The following SHKBP1 variants were observed in gnomAD, a reference collection of about 807,000 sequenced individuals.
SHKBP1 encodes the protein SH3KBP1 binding protein 1, also known as SH3KBP1-binding protein 1.
Under a neutral mutation model 83.9 loss-of-function variants are expected in SHKBP1, and 71 were observed. The observed-to-expected ratio is 0.85, with a 90% CI of 0.70 to 1.03. The LOEUF is 1.03. Ranked by LOEUF, SHKBP1 falls within the 50% of genes least tolerant of loss-of-function variation. SHKBP1 has a pLI of 0.00. For missense variants in SHKBP1, 824 were observed against 982.4 expected, an observed-to-expected ratio of 0.84 and a Z score of 2.16; for synonymous variants, 371 against 398.0, an observed-to-expected ratio of 0.93 and a Z score of 0.81.
In SHKBP1 at chr19:40,580,674, G is replaced by A; in HGVS notation, c.653+18G>A. 6.2e-7 allele frequency: 1 copy of A among 1,614,132 alleles called. No homozygotes were observed. The highest frequency in any genetic ancestry group is 1.7e-5 in the Admixed American group (1 of 60,000). Reference sequence around the variant, plus strand: ...TGCTACAGGTGCTTGGGGAGGGAGTGGCAGGAGGTCCCAGCCCTGTTGATG... The same window carrying A: ...TGCTACAGGTGCTTGGGGAGGGAGTAGCAGGAGGTCCCAGCCCTGTTGATG... On this transcript the variant is annotated intron_variant, in intron 8 of 17. Transcript: ENST00000291842.
Position 40,590,594 on chromosome 19 carries a change from C to T in SHKBP1, c.1769-136C>T, listed in dbSNP as rs2081350506. On this transcript the variant is annotated intron_variant, in intron 16 of 17. Transcript: ENST00000291842. The surrounding 1 kb of genome is among the most constrained non-coding windows in gnomAD (Gnocchi z 4.6). ...TGCCCTTGTTTTTCAACCCCTGTCTCAGCCTCTGGCCCCCATGCATTGATC... is the reference window on the plus strand; with the variant it reads ...TGCCCTTGTTTTTCAACCCCTGTCTTAGCCTCTGGCCCCCATGCATTGATC... 7 of 1,319,916 alleles carry T rather than the reference C, an allele frequency of 5.3e-6. No individual in the cohort carries two copies. In the Admixed American group the frequency reaches 1.1e-4, roughly 21 times the overall value. The allele number at this position is 1,319,916 out of a possible 1,614,324, so 81.8% of individuals were successfully genotyped here.
intron 1 of SHKBP1, 82 bp downstream of exon 1, chr19:40,577,067 T>G (rs911064880): frequency 2.5e-5 from 31 of 1,239,264 alleles, no homozygotes; most frequent in Non-Finnish European, 3.1e-5. Flanking sequence ...GGGGAATCCC[T>G]GTCCATCAAG....
In SHKBP1 at chr19:40,582,481, C is replaced by T; in HGVS notation, c.960+15C>T. ...AGCACTGGCAGGTCAGAGTTCTGGCCAGCCTGGCTGCCCCCTTCCCAGTTT... is the reference window on the plus strand; with the variant it reads ...AGCACTGGCAGGTCAGAGTTCTGGCTAGCCTGGCTGCCCCCTTCCCAGTTT... On this transcript the variant is annotated intron_variant, in intron 10 of 17. Coordinates refer to ENST00000291842, the MANE Select transcript of SHKBP1 (RefSeq NM_138392.4). 6.2e-7 allele frequency: 1 copy of T among 1,609,886 alleles called. No homozygotes were observed. Among genetic ancestry groups the T allele is most frequent in the East Asian group, 2.2e-5 (1 of 44,868 alleles).
intron 9 of SHKBP1, among the ~76,000 whole-genome samples, chr19:40,581,493 C>A (rs938418478): frequency 6.7e-6 from 1 of 148,424 alleles, no homozygotes; most frequent in Non-Finnish European, 1.5e-5. Flanking sequence ...CCAGCCTGAG[C>A]GACAGAGTGG....
At chr19:40,586,510 G>A (rs1043742929) in intron 12 of SHKBP1, among the ~76,000 whole-genome samples, 16 of 152,042 alleles carry the variant, frequency 1.1e-4, no homozygotes, top group African/African-American at 2.9e-4. Flanking sequence ...GGGATTACAG[G>A]TGCGTACTAC....
chr19:40,578,871 C>A (rs1355274468), intron 6 of SHKBP1, among the ~76,000 whole-genome samples: 1 of 152,022 alleles, frequency 6.6e-6, no homozygotes, highest in Non-Finnish European at 1.5e-5. Flanking sequence ...AAGTTATTGA[C>A]AGTAATGCCC....
At chr19:40,581,769 C>T (rs2081272218) in intron 9 of SHKBP1, among the ~76,000 whole-genome samples, 1 of 152,164 alleles carries the variant, frequency 6.6e-6, no homozygotes, top group South Asian at 2.1e-4. Context: ...CCAAATAAAT[C>T]TCAGCCCTCG....
In SHKBP1 at chr19:40,580,914, G is replaced by A. The variant is rs770615368; in HGVS notation, c.822G>A (p.Ala274=). The A allele has an allele frequency of 1.1e-5, 18 of 1,579,464 alleles. No individual in the cohort carries two copies. The highest frequency in any genetic ancestry group is 1.1e-4 in the East Asian group (5 of 44,460). Residue 274 remains alanine, a synonymous_variant, in exon 9 of 18, where the codon GCG becomes GCA. Coordinates refer to ENST00000291842, the MANE Select transcript of SHKBP1 (RefSeq NM_138392.4). ...GSEILLWALQ[A]EGGGSEIGVF... is the part of the protein sequence containing the mutation. ...AGATCCTGCTATGGGCTCTGCAGGC[G>A]GAAGGCGGTGGCTCCGAGATAGGTA...
At chr19:40,580,200 A>T in intron 6 of SHKBP1, 124 bp from the exon 7 acceptor site, 1 of 1,186,176 alleles carries the variant, frequency 8.4e-7, no homozygotes, top group Non-Finnish European at 1.2e-6. Flanking sequence ...TGCACCACTT[A>T]AAATCTTCAC....
Position 40,577,293 on chromosome 19 carries a change from G to A in SHKBP1, c.140+9G>A. On this transcript the variant is annotated intron_variant, in intron 2 of 17. Transcript: ENST00000291842. Reference sequence around the variant, plus strand: ...GACTCCTTCTTCTCCAGGTGATCGGGAGAGCGAGTTTGGGGCGAGGGTAGG... The same window carrying A: ...GACTCCTTCTTCTCCAGGTGATCGGAAGAGCGAGTTTGGGGCGAGGGTAGG... The A allele has an allele frequency of 6.2e-7, 1 of 1,613,938 alleles. No homozygotes were observed. Among genetic ancestry groups the A allele is most frequent in the South Asian group, 1.1e-5 (1 of 91,058 alleles).
At chr19:40,583,753 C>T (rs757026613) in intron 12 of SHKBP1, 36 bp downstream of exon 12, 56 of 1,521,952 alleles carry the variant, frequency 3.7e-5, no homozygotes, top group Non-Finnish European at 4.8e-5. Context: ...CTGCTGTCAC[C>T]TGCCAGCCCC....
chr19:40,579,311 C>T (rs1229342801), intron 6 of SHKBP1, among the ~76,000 whole-genome samples: 4 of 152,042 alleles, frequency 2.6e-5, no homozygotes, highest in Non-Finnish European at 5.9e-5. Flanking sequence ...ATTTTAAATG[C>T]AAGCTTTATA....
chr19:40,579,993 A>T (rs1265859423), intron 6 of SHKBP1, among the ~76,000 whole-genome samples: 1 of 133,006 alleles, frequency 7.5e-6, no homozygotes, highest in Non-Finnish European at 1.6e-5. Flanking sequence ...AGATTGTGCC[A>T]TTGCACTCCA....
chr19:40,577,090 C>A (rs941163540), intron 1 of SHKBP1, 105 bp downstream of exon 1: 40 of 1,328,522 alleles, frequency 3.0e-5, no homozygotes, highest in African/African-American at 1.5e-5. Context: ...TTGCTCCGCC[C>A]CCCCCCCCTT....
In SHKBP1 at chr19:40,586,862, G is replaced by T. The variant is rs751642603; in HGVS notation, c.1254G>T (p.Ser418=). Reference sequence around the variant, plus strand: ...TGCAGCACCCGGAGACTGTGGGCTCGGGGCCTCAGCTCTTCCAGACCTTCA... The same window carrying T: ...TGCAGCACCCGGAGACTGTGGGCTCTGGGCCTCAGCTCTTCCAGACCTTCA... ...VIVQHPETVG[S]GPQLFQTFTV... Residue 418 remains serine, a synonymous_variant, in exon 13 of 18, where the codon TCG becomes TCT. Transcript: ENST00000291842. The T allele has an allele frequency of 6.2e-7, 1 of 1,613,020 alleles. No individual in the cohort carries two copies. Among genetic ancestry groups the T allele is most frequent in the Non-Finnish European group, 8.5e-7 (1 of 1,179,390 alleles).
In SHKBP1 at chr19:40,580,449, C is replaced by T. The variant is rs764290507; in HGVS notation, c.526C>T (p.Arg176Ter). 31 of 1,613,128 alleles carry T rather than the reference C, an allele frequency of 1.9e-5. 1 individual carries two copies. The Admixed American group carries it at 2.7e-4, about 14-fold the overall frequency. Residue 176 changes from arginine (R) to a stop codon, truncating the protein, a stop_gained, in exon 7 of 18, where the codon CGA becomes TGA. Transcript: ENST00000291842. LOFTEE classifies it high-confidence loss of function. ...PNLGNAGLLG[R>*]MLDEKTPPSP... Reference sequence around the variant, plus strand: ...CCTTGGCAATGCAGGGCTGCTGGGCCGAATGCTGGATGAGAAAACCCCTCC... The same window carrying T: ...CCTTGGCAATGCAGGGCTGCTGGGCTGAATGCTGGATGAGAAAACCCCTCC...
chr19:40,589,006 GT>G (rs761807788), intron 14 of SHKBP1, 75 bp from the exon 15 acceptor site: 94 of 1,482,308 alleles, frequency 6.3e-5, no homozygotes, highest in Middle Eastern at 3.6e-4. Context: ...GGGGTGGTGG[GT>G]TTCATCAGTG....
chr19:40,587,229 C>T (rs749000436), intron 13 of SHKBP1, among the ~76,000 whole-genome samples: 25 of 152,176 alleles, frequency 1.6e-4, no homozygotes, highest in Non-Finnish European at 2.5e-4. Context: ...ATGAACAAGA[C>T]AGGCCAAGTC....
intron 12 of SHKBP1, among the ~76,000 whole-genome samples, chr19:40,584,839 A>G (rs1049224795): frequency 3.3e-5 from 5 of 152,182 alleles, no homozygotes; most frequent in African/African-American, 9.7e-5. Context: ...GCCAGGCTCA[A>G]TATGCTTCCT....
Sources: allele counts gnomAD v4.1 joint callset (sites outside exome capture counted in the v4.1 genomes callset), GRCh38; gene constraint gnomAD v4.1.1; non-coding constraint Gnocchi (gnomAD v3.1); transcripts MANE v1.5; gene names NCBI Gene and HGNC (gene_info 2026-07-23, HGNC 2026-07-21).